DNAI4: variants seen among roughly 807,000 people sequenced by gnomAD.
DNAI4 encodes dynein axonemal intermediate chain 4.
Under a neutral mutation model 105.8 loss-of-function variants are expected in DNAI4, and 85 were observed. The observed-to-expected ratio is 0.80, with a 90% CI of 0.67 to 0.96. The LOEUF (loss-of-function observed/expected upper bound fraction) is 0.96. DNAI4 is among the 40% of genes least tolerant of loss of function. DNAI4 has a pLI of 0.00. For missense variants in DNAI4, 1,014 were observed against 1,005.6 expected, an observed-to-expected ratio of 1.01 and a Z score of -0.11; for synonymous variants, 352 against 331.5, an observed-to-expected ratio of 1.06 and a Z score of -0.67.
intron 2 of DNAI4, among the ~76,000 whole-genome samples, chr1:66,895,490 A>C (rs2100790068): frequency 6.6e-6 from 1 of 151,290 alleles, no homozygotes; most frequent in East Asian, 1.9e-4. Context: ...TTTTCAAATA[A>C]AAAAAATCTA....
At chr1:66,831,762 G>T (rs1233064026) in intron 13 of DNAI4, among the ~76,000 whole-genome samples, 1 of 152,184 alleles carries the variant, frequency 6.6e-6, no homozygotes, top group Non-Finnish European at 1.5e-5. Flanking sequence ...TGTACTGGAG[G>T]TTGTAACCAG....
At chr1:66,825,741 A>G (rs964928249) in intron 15 of DNAI4, among the ~76,000 whole-genome samples, 1 of 152,212 alleles carries the variant, frequency 6.6e-6, no homozygotes, top group Admixed American at 6.5e-5. Flanking sequence ...TCATACTTGT[A>G]ATCCTTGATT....
In DNAI4 at chr1:66,834,047, A is replaced by G; in HGVS notation, c.1835T>C (p.Ile612Thr). The change falls in exon 12 of 17, where the codon ATA becomes ACA. Residue 612 changes from isoleucine to threonine, a missense_variant. Ile to Thr is a moderately conservative substitution (Grantham distance 89). Coordinates refer to ENST00000371026, the MANE Select transcript of DNAI4 (RefSeq NM_024763.5). Reference sequence around the variant, plus strand: ...TTTGGAGATTCTTCCATCTGCTGATATAGAAACTAGTATTTCTCTTTTGCC... The same window carrying G: ...TTTGGAGATTCTTCCATCTGCTGATGTAGAAACTAGTATTTCTCTTTTGCC... Reference protein sequence around the residue: ...GDGKREILVSISADGRISKWV... With the variant: ...GDGKREILVSTSADGRISKWV... 6.2e-7 allele frequency: 1 copy of G among 1,612,596 alleles called. No homozygotes were observed. The highest frequency in any genetic ancestry group is 1.1e-5 in the South Asian group (1 of 90,822).
chr1:66,821,091 C>CTTTTTTTTTT (rs55811909), intron 16 of DNAI4, among the ~76,000 whole-genome samples: 4 of 80,326 alleles, frequency 5.0e-5, no homozygotes, highest in South Asian at 4.8e-4. Context: ...AAACATTTCT[C>CTTTTTTTTTT]TTTTTTTTTT....
At chr1:66,884,239 C>T (rs1453426370) in intron 4 of DNAI4, among the ~76,000 whole-genome samples, 1 of 152,178 alleles carries the variant, frequency 6.6e-6, no homozygotes, top group Non-Finnish European at 1.5e-5. Context: ...TGTTGATGAA[C>T]ATAAGTTGAT....
At chr1:66,924,556 A>C (rs902791433) in intron 1 of DNAI4, 106 bp downstream of exon 1, 3 of 1,487,292 alleles carry the variant, frequency 2.0e-6, no homozygotes, top group Non-Finnish European at 1.9e-6. Flanking sequence ...GACTGAACCC[A>C]GTTAGGGTAG....
At chr1:66,814,481 G>A (rs1161643811) in intron 16 of DNAI4, among the ~76,000 whole-genome samples, 3 of 151,978 alleles carry the variant, frequency 2.0e-5, no homozygotes, top group Non-Finnish European at 4.4e-5. Context: ...CAATTCTCCT[G>A]CCTCAGCCTC....
At position 66,834,975 on chromosome 1, in the gene DNAI4, A is replaced by T. The variant is rs890268849; in HGVS notation, c.1733+651T>A. 9.9e-5 allele frequency among the ~76,000 whole-genome samples: 15 copies of T among 152,162 alleles called. No homozygotes were observed. The South Asian group carries it at 3.1e-3, about 31-fold the overall frequency. On this transcript the variant is annotated intron_variant, in intron 11 of 16. Transcript: ENST00000371026. ...AGTTTATTCAAACACTTTTACAAAC[A>T]TGCCCCATTGGTATCTTGTCTATTA...
At chr1:66,847,216 T>C (rs1646295455) in intron 8 of DNAI4, among the ~76,000 whole-genome samples, 1 of 152,226 alleles carries the variant, frequency 6.6e-6, no homozygotes, top group Non-Finnish European at 1.5e-5. Context: ...GATAACTCAA[T>C]CTGGAGATTA....
At chr1:66,895,318 A>G (rs1022957945) in intron 2 of DNAI4, among the ~76,000 whole-genome samples, 1 of 152,160 alleles carries the variant, frequency 6.6e-6, no homozygotes, top group Non-Finnish European at 1.5e-5. Context: ...GTCTTTACCA[A>G]AAATTTGAGA....
intron 7 of DNAI4, among the ~76,000 whole-genome samples, chr1:66,852,715 G>A (rs917180715): frequency 6.6e-6 from 1 of 151,954 alleles, no homozygotes; most frequent in African/African-American, 2.4e-5. Context: ...AGGGTGTTAC[G>A]GACAGAATGA....
chr1:66,897,570 C>A (rs1475790818), intron 2 of DNAI4, among the ~76,000 whole-genome samples: 3 of 152,102 alleles, frequency 2.0e-5, no homozygotes, highest in South Asian at 2.1e-4. Context: ...TCTAGGAGGG[C>A]AGAATGGTTT....
intron 6 of DNAI4, among the ~76,000 whole-genome samples, chr1:66,867,470 T>A (rs985031694): frequency 1.3e-5 from 2 of 152,178 alleles, no homozygotes; most frequent in African/African-American, 4.8e-5. Context: ...CATCTCTTTG[T>A]TTTTCTTCTC....
rs751134028 is a variant in DNAI4 at position 66,822,331 on chromosome 1, GAC to G, written c.2496+28_2496+29del. 5.7e-6 allele frequency: 9 copies of G among 1,566,886 alleles called. No individual in the cohort carries two copies. In the African/African-American group the frequency reaches 1.2e-4, roughly 21 times the overall value. ...GTATAACTGAATAGACTAATAAAATGACACAAATTTTTTTACTCTTGAGTCTT... is the reference window on the plus strand; with the variant it reads ...GTATAACTGAATAGACTAATAAAATGACAAATTTTTTTACTCTTGAGTCTT... On this transcript the variant is annotated intron_variant, in intron 16 of 16. Coordinates refer to ENST00000371026, the MANE Select transcript of DNAI4 (RefSeq NM_024763.5).
At chr1:66,913,906 C>T (rs1649857023) in intron 1 of DNAI4, among the ~76,000 whole-genome samples, 1 of 150,652 alleles carries the variant, frequency 6.6e-6, no homozygotes, top group African/African-American at 2.4e-5. Context: ...GGTGTGAACC[C>T]GGAGCAGGCG....
chr1:66,846,190 T>C (rs1473875394), intron 8 of DNAI4, among the ~76,000 whole-genome samples: 5 of 152,078 alleles, frequency 3.3e-5, no homozygotes, highest in Admixed American at 2.0e-4. Context: ...TCTTTAAATA[T>C]AGGATGAAAA....
At chr1:66,859,460 T>G (rs996908414) in intron 7 of DNAI4, among the ~76,000 whole-genome samples, 2 of 152,170 alleles carry the variant, frequency 1.3e-5, no homozygotes, top group Non-Finnish European at 2.9e-5. Context: ...TTGACTCAGA[T>G]GAGTTGAAAA....
chr1:66,895,165 A>C (rs1218980526), intron 2 of DNAI4, among the ~76,000 whole-genome samples: 1 of 152,200 alleles, frequency 6.6e-6, no homozygotes, highest in Non-Finnish European at 1.5e-5. Context: ...GTGCTATTAT[A>C]AATTGTATCA....
chr1:66,814,933 A>T (rs1460830641), intron 16 of DNAI4, among the ~76,000 whole-genome samples: 1 of 152,212 alleles, frequency 6.6e-6, no homozygotes, highest in Non-Finnish European at 1.5e-5. Flanking sequence ...ATGATCATAT[A>T]TAAGAGGATG....
Sources: allele counts gnomAD v4.1 joint callset (sites outside exome capture counted in the v4.1 genomes callset), GRCh38; gene constraint gnomAD v4.1.1; transcripts MANE v1.5; gene names NCBI Gene and HGNC (gene_info 2026-07-23, HGNC 2026-07-21).